ABCC4: variants seen among roughly 807,000 people sequenced by gnomAD.
ABCC4 encodes ATP-binding cassette sub-family C member 4.
A neutral mutation model predicts 168.5 loss-of-function variants in ABCC4; 102 were observed. The ratio of observed to expected loss-of-function variants is 0.61; its 90% CI spans 0.52 to 0.71. The LOEUF is 0.71. ABCC4 is among the 30% of genes least tolerant of loss of function. The pLI is 0.00. For synonymous variants in ABCC4, 617 were observed against 590.7 expected, an observed-to-expected ratio of 1.04 and a Z score of -0.65; for missense variants, 1,402 against 1,605.8, an observed-to-expected ratio of 0.87 and a Z score of 2.17.
At position 95,160,532 on chromosome 13, in the gene ABCC4, A is replaced by C. The variant is rs187417105; in HGVS notation, c.2455+657T>G. Among the ~76,000 whole-genome samples, 14 of 152,342 alleles carry C rather than the reference A, an allele frequency of 9.2e-5. No homozygotes were observed. The East Asian group carries it at 2.7e-3, about 29-fold the overall frequency. On this transcript the variant is annotated intron_variant, in intron 19 of 30. Coordinates refer to ENST00000645237, the MANE Select transcript of ABCC4 (RefSeq NM_005845.5). Reference sequence around the variant, plus strand: ...GGTATACCTAGGAAACAAGCTACTGAAGATCTATATGGCAGGTTCAACAAA... The same window carrying C: ...GGTATACCTAGGAAACAAGCTACTGCAGATCTATATGGCAGGTTCAACAAA...
chr13:95,268,897 C>G (rs1047788032), intron 1 of ABCC4, among the ~76,000 whole-genome samples: 2 of 152,088 alleles, frequency 1.3e-5, no homozygotes, highest in African/African-American at 4.8e-5. Flanking sequence ...CCCCTGGGCC[C>G]ACTTTTCTTT....
At chr13:95,081,288 C>T (rs557311005) in intron 21 of ABCC4, among the ~76,000 whole-genome samples, 28 of 150,602 alleles carry the variant, frequency 1.9e-4, no homozygotes, top group Non-Finnish European at 3.7e-4. Context: ...CCACATGGAT[C>T]GGATGTGGCT....
chr13:95,228,305 C>T (rs780579654), intron 4 of ABCC4, among the ~76,000 whole-genome samples: 2 of 152,106 alleles, frequency 1.3e-5, no homozygotes, highest in Non-Finnish European at 2.9e-5. Context: ...TCAGGTTCTA[C>T]TTATTGCATA....
intron 4 of ABCC4, among the ~76,000 whole-genome samples, chr13:95,228,925 G>C (rs765365555): frequency 1.3e-5 from 2 of 152,104 alleles, no homozygotes; most frequent in Non-Finnish European, 2.9e-5. Flanking sequence ...TGGTCAAGAG[G>C]AGAGGGTTCT....
chr13:95,241,366 G>GAA (rs3047272), intron 3 of ABCC4, among the ~76,000 whole-genome samples: 75,428 of 145,060 alleles, frequency 0.52, 20,093 homozygotes, highest in African/African-American at 0.62. Flanking sequence ...TCCATCTCAG[G>GAA]AAAAAAAAAA....
chr13:95,132,318 T>C (rs1424923902), intron 19 of ABCC4, among the ~76,000 whole-genome samples: 4 of 152,030 alleles, frequency 2.6e-5, no homozygotes, highest in African/African-American at 7.3e-5. Context: ...TGGGTTCAAG[T>C]GATTCTCCTG....
At chr13:95,126,325 C>T (rs1358792404) in intron 19 of ABCC4, among the ~76,000 whole-genome samples, 1 of 152,092 alleles carries the variant, frequency 6.6e-6, no homozygotes, top group African/African-American at 2.4e-5. Context: ...GGCAGCAACG[C>T]ATATTTATAC....
At chr13:95,062,655 A>T (rs778261640) in intron 26 of ABCC4, 49 bp downstream of exon 26, 4 of 1,506,216 alleles carry the variant, frequency 2.7e-6, no homozygotes, top group Non-Finnish European at 3.6e-6. Context: ...GCAATTAAAC[A>T]TAGTAGCTCT....
chr13:95,030,063 C>G (rs1348603651), intron 30 of ABCC4, among the ~76,000 whole-genome samples: 1 of 152,158 alleles, frequency 6.6e-6, no homozygotes, highest in African/African-American at 2.4e-5. Flanking sequence ...CTCTGCCGCC[C>G]AGGCTAGAGT....
chr13:95,261,614 T>C (rs1219135977), intron 1 of ABCC4, among the ~76,000 whole-genome samples: 2 of 152,140 alleles, frequency 1.3e-5, no homozygotes, highest in Non-Finnish European at 2.9e-5. Context: ...GACATGGCTA[T>C]TGAAGAAGAA....
chr13:95,241,178 C>G (rs1238992948), intron 3 of ABCC4, among the ~76,000 whole-genome samples: 1 of 152,004 alleles, frequency 6.6e-6, no homozygotes, highest in African/African-American at 2.4e-5. Context: ...TCCTGGCCAA[C>G]ATGGTGAAAC....
chr13:95,074,782 C>G (rs1360126367), intron 22 of ABCC4, among the ~76,000 whole-genome samples: 3 of 152,124 alleles, frequency 2.0e-5, no homozygotes, highest in Non-Finnish European at 4.4e-5. Context: ...AAAATGACCT[C>G]ACTAACAGGA....
chr13:95,239,203 T>G (rs1180330370), intron 3 of ABCC4, among the ~76,000 whole-genome samples: 2 of 151,934 alleles, frequency 1.3e-5, no homozygotes, highest in Non-Finnish European at 2.9e-5. Flanking sequence ...AGAAATCATA[T>G]TATGGGTAAT....
At chr13:95,066,433 T>C (rs985441081) in intron 25 of ABCC4, among the ~76,000 whole-genome samples, 1 of 152,202 alleles carries the variant, frequency 6.6e-6, no homozygotes, top group Non-Finnish European at 1.5e-5. Context: ...GCAGGGCCTA[T>C]ATTGGAATTA....
chr13:95,166,642 G>A (rs1003172290), intron 14 of ABCC4, among the ~76,000 whole-genome samples: 1 of 151,972 alleles, frequency 6.6e-6, no homozygotes, highest in Admixed American at 6.6e-5. Context: ...TGACCGTATT[G>A]GTAGTCTTAT....
Position 95,278,806 on chromosome 13 carries a change from G to GAAA in ABCC4, c.74+22432_74+22434dup, listed in dbSNP as rs71113905. On this transcript the variant is annotated intron_variant, in intron 1 of 30. Transcript: ENST00000645237. ...AGAGACAGAGCAAGACCCTGTCTCGGAAAAAAAAAAAAAAAAAAAAAAAAA... is the reference window on the plus strand; with the variant it reads ...AGAGACAGAGCAAGACCCTGTCTCGGAAAAAAAAAAAAAAAAAAAAAAAAAAAA... Among the ~76,000 whole-genome samples, 19 of 34,360 alleles carry GAAA rather than the reference G, an allele frequency of 5.5e-4. 3 individuals are homozygous for GAAA. Among genetic ancestry groups the GAAA allele is most frequent in the African/African-American group, 7.4e-4 (5 of 6,784 alleles). The allele number at this position is 34,360 out of a possible 152,430, so 22.5% of individuals were successfully genotyped here.
At chr13:95,076,185 A>G (rs147144476) in intron 21 of ABCC4, among the ~76,000 whole-genome samples, 139 of 152,288 alleles carry the variant, frequency 9.1e-4, no homozygotes, top group African/African-American at 3.2e-3. Context: ...TGGGTGCTGC[A>G]ATGCCCTTGT....
intron 4 of ABCC4, among the ~76,000 whole-genome samples, chr13:95,211,287 C>A (rs1321058266): frequency 6.6e-6 from 1 of 152,122 alleles, no homozygotes. Context: ...TGGAGGACAC[C>A]AGGAGCCCCA....
chr13:95,025,382 C>T (rs2031456765), intron 30 of ABCC4, among the ~76,000 whole-genome samples: 1 of 42,468 alleles, frequency 2.4e-5, no homozygotes, highest in Non-Finnish European at 4.3e-5. Context: ...CCCACACACA[C>T]CCTCCCACCC....
Sources: gnomAD v4.1 joint callset for allele counts (sites outside exome capture counted in the v4.1 genomes callset) on GRCh38, gnomAD v4.1.1 for gene constraint, MANE v1.5 for transcripts, NCBI Gene and HGNC (gene_info 2026-07-23, HGNC 2026-07-21) for gene names.